The following CARMIL1 variants were observed in gnomAD, a reference collection of about 807,000 sequenced individuals.
CARMIL1 encodes capping protein regulator and myosin 1 linker 1, also known as F-actin-uncapping protein LRRC16A.
CARMIL1 carries 90 observed loss-of-function variants against 177.1 expected under a neutral mutation model. That is an observed-to-expected ratio of 0.51 (90% CI 0.43 to 0.61). CARMIL1 has a LOEUF of 0.61. CARMIL1 is among the 20% of genes least tolerant of loss of function. The probability of loss-of-function intolerance (pLI) is 0.00; values close to 1 mark genes in which losing one functional copy is unlikely to be tolerated. For missense variants in CARMIL1, 1,380 were observed against 1,667.0 expected (o/e 0.83, Z 3.00); for synonymous variants, 577 against 606.2 (o/e 0.95, Z 0.71).
rs143998203 is a variant in CARMIL1 at position 25,306,861 on chromosome 6, T to G, written c.138+21952T>G. On this transcript the variant is annotated intron_variant, in intron 2 of 36. Coordinates refer to ENST00000329474, the MANE Select transcript of CARMIL1 (RefSeq NM_017640.6). ...TGGCAGTTCTGTGTTTAACCACCTG[T>G]TTCCTGCAGTGCCTTGGCTTTTTTT... 4.0e-3 allele frequency among the ~76,000 whole-genome samples: 605 copies of G among 151,538 alleles called. 7 individuals are homozygous for G. The highest frequency in any genetic ancestry group is 0.013 in the African/African-American group (552 of 41,248).
At chr6:25,341,450 A>T (rs374481916) in intron 2 of CARMIL1, among the ~76,000 whole-genome samples, 1 of 152,240 alleles carries the variant, frequency 6.6e-6, no homozygotes. Flanking sequence ...CCGGCTGAGC[A>T]TGGTGGCTCA....
chr6:25,469,715 G>T (rs1028882920), intron 9 of CARMIL1, among the ~76,000 whole-genome samples: 2 of 151,966 alleles, frequency 1.3e-5, no homozygotes, highest in Non-Finnish European at 2.9e-5. Context: ...GCGCAGTCTG[G>T]GACCCCACCC....
intron 5 of CARMIL1, among the ~76,000 whole-genome samples, chr6:25,437,906 C>T (rs1040272181): frequency 1.3e-5 from 2 of 152,164 alleles, no homozygotes; most frequent in African/African-American, 4.8e-5. Flanking sequence ...GTTAGTCTCC[C>T]TGCTTCTAGT....
chr6:25,429,771 T>G (rs1362065656), intron 4 of CARMIL1, among the ~76,000 whole-genome samples: 1 of 145,418 alleles, frequency 6.9e-6, no homozygotes. Context: ...AAATGATTAG[T>G]TATATTGATT....
chr6:25,606,756 G>A (rs992820977), intron 35 of CARMIL1, among the ~76,000 whole-genome samples: 1 of 152,176 alleles, frequency 6.6e-6, no homozygotes, highest in African/African-American at 2.4e-5. Context: ...GCCTGTTTTT[G>A]TGAATAGTTT....
chr6:25,613,505 A>G lies in CARMIL1; in HGVS notation c.3979+3324A>G, dbSNP rs143382716. Among the ~76,000 whole-genome samples, 525 of 152,304 alleles carry G rather than the reference A, an allele frequency of 3.4e-3. 3 individuals carry two copies. Among genetic ancestry groups the G allele is most frequent in the African/African-American group, 0.012 (498 of 41,560 alleles). ...ACTTCTGTCTTTCATTTGGCCCTGT[A>G]GTAAATTCTGTAATGTTCTGTTCAG... On this transcript the variant is annotated intron_variant, in intron 36 of 36. Transcript: ENST00000329474.
intron 4 of CARMIL1, among the ~76,000 whole-genome samples, chr6:25,433,459 A>G (rs978154228): frequency 1.4e-4 from 22 of 152,358 alleles, no homozygotes; most frequent in African/African-American, 5.3e-4. Context: ...ATGCATATGC[A>G]CAGATATGTG....
chr6:25,594,264 A>G (rs1400555673), intron 31 of CARMIL1, 151 bp from the exon 32 acceptor site: 5 of 554,732 alleles, frequency 9.0e-6, no homozygotes, highest in Admixed American at 3.5e-5. Context: ...ATGATTGTAC[A>G]TATGGCTTCT....
At chr6:25,542,203 A>G (rs1315990152) in intron 26 of CARMIL1, among the ~76,000 whole-genome samples, 2 of 152,224 alleles carry the variant, frequency 1.3e-5, no homozygotes, top group Non-Finnish European at 2.9e-5. Context: ...CAGCTGGTCT[A>G]AACGACAAAC....
chr6:25,387,269 T>C (rs1792282351), intron 2 of CARMIL1, among the ~76,000 whole-genome samples: 1 of 152,172 alleles, frequency 6.6e-6, no homozygotes, highest in Non-Finnish European at 1.5e-5. Context: ...AGGTCTACAT[T>C]TGAGAAATAC....
chr6:25,337,001 T>C (rs1478754752), intron 2 of CARMIL1, among the ~76,000 whole-genome samples: 1 of 152,218 alleles, frequency 6.6e-6, no homozygotes, highest in East Asian at 1.9e-4. Context: ...AGACAGCGTA[T>C]CAATTGAACA....
At chr6:25,514,868 G>C (rs754883775) in intron 20 of CARMIL1, among the ~76,000 whole-genome samples, 1 of 151,870 alleles carries the variant, frequency 6.6e-6, no homozygotes, top group Non-Finnish European at 1.5e-5. Context: ...AGGCTGCAGT[G>C]AGTGGTGATT....
intron 31 of CARMIL1, among the ~76,000 whole-genome samples, chr6:25,587,180 C>G (rs1455957353): frequency 6.6e-6 from 1 of 152,122 alleles, no homozygotes; most frequent in Non-Finnish European, 1.5e-5. Context: ...TTTATTCCAC[C>G]TCTACCACTC....
At chr6:25,437,061 C>T (rs1436850371) in intron 5 of CARMIL1, among the ~76,000 whole-genome samples, 1 of 152,162 alleles carries the variant, frequency 6.6e-6, no homozygotes, top group Non-Finnish European at 1.5e-5. Flanking sequence ...ATGGGTTCGA[C>T]ATCATCCTTA....
At chr6:25,294,184 G>A (rs917367761) in intron 2 of CARMIL1, among the ~76,000 whole-genome samples, 3 of 152,196 alleles carry the variant, frequency 2.0e-5, no homozygotes, top group Non-Finnish European at 2.9e-5. Flanking sequence ...CCAGCCTTTG[G>A]CAAGGGTTTG....
chr6:25,552,754 A>G (rs1810235080), intron 27 of CARMIL1, among the ~76,000 whole-genome samples: 1 of 152,164 alleles, frequency 6.6e-6, no homozygotes, highest in Non-Finnish European at 1.5e-5. Flanking sequence ...CCCCACTTTC[A>G]GAGAGAAGGA....
chr6:25,378,378 C>G (rs1013641944), intron 2 of CARMIL1, among the ~76,000 whole-genome samples: 1 of 152,218 alleles, frequency 6.6e-6, no homozygotes, highest in African/African-American at 2.4e-5. Flanking sequence ...CCCCTGTGCT[C>G]TCTTATGGCT....
At chr6:25,429,343 A>G (rs753350931) in intron 4 of CARMIL1, among the ~76,000 whole-genome samples, 4 of 152,216 alleles carry the variant, frequency 2.6e-5, no homozygotes, top group Non-Finnish European at 5.9e-5. Context: ...TGTGGTACAC[A>G]TGCCTTTTGT....
chr6:25,342,224 A>G (rs1157265396), intron 2 of CARMIL1, among the ~76,000 whole-genome samples: 1 of 152,164 alleles, frequency 6.6e-6, no homozygotes, highest in Non-Finnish European at 1.5e-5. Context: ...AAACTAGGCC[A>G]GAGATTTATT....
Sources: gnomAD v4.1 joint callset for allele counts (sites outside exome capture counted in the v4.1 genomes callset) on GRCh38, gnomAD v4.1.1 for gene constraint, MANE v1.5 for transcripts, NCBI Gene and HGNC (gene_info 2026-07-23, HGNC 2026-07-21) for gene names.